The following IARS1 variants were observed in gnomAD, a reference collection of about 807,000 sequenced individuals.
IARS1 encodes isoleucine--tRNA ligase, cytoplasmic.
IARS1 carries 124 observed loss-of-function variants against 168.2 expected under a neutral mutation model. The ratio of observed to expected loss-of-function variants is 0.74; its 90% CI spans 0.64 to 0.86. The LOEUF is 0.86. Ranked by LOEUF, IARS1 falls within the 40% of genes least tolerant of loss-of-function variation. IARS1 has a pLI of 0.00. For synonymous variants in IARS1, 532 were observed against 529.4 expected (o/e 1.00, Z -0.07); for missense variants, 1,452 against 1,515.8 (o/e 0.96, Z 0.70).
At position 92,293,681 on chromosome 9, in the gene IARS1, G is replaced by C. The variant is rs1379455341; in HGVS notation, c.-78C>G. ...TAAAAGCAACTCATCCGGCGTCCAC[G>C]CTGCAACCGGGCGCACGGAGGTGAT... On this transcript the variant is annotated 5_prime_UTR_variant, in exon 1 of 34. Coordinates refer to ENST00000443024, the MANE Select transcript of IARS1 (RefSeq NM_002161.6). The C allele has an allele frequency of 3.7e-6, 1 of 272,260 alleles. No individual in the cohort carries two copies. Among genetic ancestry groups the C allele is most frequent in the Non-Finnish European group, 8.0e-6 (1 of 125,076 alleles). 16.9% of individuals were successfully genotyped at this position (272,260 alleles called of 1,614,324 possible).
intron 33 of IARS1, among the ~76,000 whole-genome samples, chr9:92,221,534 G>A (rs913864691): frequency 6.6e-6 from 1 of 152,232 alleles, no homozygotes; most frequent in African/African-American, 2.4e-5. Flanking sequence ...GAACATGTCT[G>A]ATGTGTAGCA....
intron 30 of IARS1, among the ~76,000 whole-genome samples, chr9:92,231,590 T>C (rs1370951901): frequency 6.9e-6 from 1 of 144,116 alleles, no homozygotes; most frequent in Non-Finnish European, 1.5e-5. Flanking sequence ...ATTTTGTATT[T>C]GTTTTTTTTT....
chr9:92,256,691 GT>G lies in IARS1; in HGVS notation c.2125del (p.Thr709LeufsTer19). On this transcript the variant is annotated frameshift_variant, in exon 20 of 34. Transcript: ENST00000443024. LOFTEE classifies it high-confidence loss of function. ...CAAGAGAGACTCACCTGCCATTTCA[GT>G]CTCAAAGAAGCCAATGAGAGACTGC... ...FMQSLIGFFE[T>X]EMAAYRLYTV... 6.2e-7 allele frequency: 1 copy of G among 1,613,590 alleles called. No individual in the cohort carries two copies. The highest frequency in any genetic ancestry group is 8.5e-7 in the Non-Finnish European group (1 of 1,179,664).
intron 7 of IARS1, 62 bp from the exon 8 acceptor site, chr9:92,278,348 C>G (rs913198350): frequency 3.6e-6 from 4 of 1,110,244 alleles, no homozygotes; most frequent in Admixed American, 1.7e-5. Context: ...ATTCCAAAGA[C>G]ATGCATCAAG....
chr9:92,229,107 TTC>T lies in IARS1; in HGVS notation c.3301_3302del (p.Glu1101LysfsTer5). The T allele has an allele frequency of 1.2e-6, 2 of 1,613,932 alleles. No individual in the cohort carries two copies. The highest frequency in any genetic ancestry group is 1.7e-6 in the Non-Finnish European group (2 of 1,179,964). The part of the protein sequence containing the change: ...GSEQGGVLLL[E>X]NPKGDNRLDL... ...CCAACCTATTGTCACCTTTTGGATTTTCCAGGAGCAATACTCCACCTAAAAAG... is the reference window on the plus strand; with the variant it reads ...CCAACCTATTGTCACCTTTTGGATTTCAGGAGCAATACTCCACCTAAAAAG... On this transcript the variant is annotated frameshift_variant, in exon 31 of 34. Transcript: ENST00000443024. LOFTEE classifies it high-confidence loss of function.
chr9:92,285,967 A>G (rs1835388534), intron 5 of IARS1, 128 bp from the exon 6 acceptor site: 1 of 613,200 alleles, frequency 1.6e-6, no homozygotes, highest in Admixed American at 2.7e-5. Context: ...TTTCATTGGG[A>G]GACTGGCTGG....
chr9:92,259,201 C>T (rs1275793461), intron 18 of IARS1, among the ~76,000 whole-genome samples: 2 of 152,132 alleles, frequency 1.3e-5, no homozygotes, highest in Admixed American at 6.5e-5. Context: ...TTATAAAAGA[C>T]GTATATAATC....
rs1285806088 is a variant in IARS1, at chr9:92,240,603, A to C, written c.3283+253T>G. The C allele has an allele frequency of 5.9e-6, 4 of 677,598 alleles. No individual in the cohort carries two copies. The South Asian group carries it at 6.6e-5, about 11-fold the overall frequency. 42.0% of individuals were successfully genotyped at this position (677,598 alleles called of 1,614,324 possible). A position where few individuals can be genotyped will look rare whatever the true frequency, so the allele number is the denominator to read the frequency against. ...GAGGCAGGATCTTATTATGTTGGCA[A>C]GGTTAGTCTTGAACTCTTGGCCTCA... On this transcript the variant is annotated intron_variant, in intron 30 of 33. Coordinates refer to ENST00000443024, the MANE Select transcript of IARS1 (RefSeq NM_002161.6).
At chr9:92,245,134 GT>G (rs1829000441) in intron 26 of IARS1, 63 bp from the exon 27 acceptor site, 1 of 1,241,848 alleles carries the variant, frequency 8.1e-7, no homozygotes, top group Middle Eastern at 1.9e-4. Context: ...CCCACTACCC[GT>G]GTATTATGCC....
Position 92,222,505 on chromosome 9 carries a change from C to G in IARS1, c.3706+15G>C. The G allele has an allele frequency of 6.2e-7, 1 of 1,607,530 alleles. No homozygotes were observed. The highest frequency in any genetic ancestry group is 1.1e-5 in the South Asian group (1 of 89,810). ...TCAACAAAAATAAAAAACTTACGGT[C>G]CACAATCTCCTTACCCTGCGTTTGG... On this transcript the variant is annotated intron_variant, in intron 33 of 33. Coordinates refer to ENST00000443024, the MANE Select transcript of IARS1 (RefSeq NM_002161.6).
intron 33 of IARS1, among the ~76,000 whole-genome samples, chr9:92,216,282 T>C (rs1322410310): frequency 6.7e-6 from 1 of 149,990 alleles, no homozygotes; most frequent in East Asian, 2.0e-4. Flanking sequence ...GCGCTAAACA[T>C]GGAAAGGAAC....
intron 7 of IARS1, 109 bp from the exon 8 acceptor site, chr9:92,278,395 C>G: frequency 1.3e-6 from 1 of 752,682 alleles, no homozygotes; most frequent in African/African-American, 1.7e-5. Flanking sequence ...TACCATGTGC[C>G]TCTACTGTAC....
At chr9:92,216,338 T>A (rs1471925974) in intron 33 of IARS1, among the ~76,000 whole-genome samples, 1 of 151,112 alleles carries the variant, frequency 6.6e-6, no homozygotes, top group Non-Finnish European at 1.5e-5. Flanking sequence ...GTAAAGACCA[T>A]CGAGACTAGG....
At chr9:92,234,205 C>CT (rs898054080) in intron 30 of IARS1, among the ~76,000 whole-genome samples, 103 of 151,894 alleles carry the variant, frequency 6.8e-4, no homozygotes, top group African/African-American at 2.4e-3. Context: ...AAGTTTTTTT[C>CT]TTTTTTATAA....
At chr9:92,244,009 GAAGTT>G (rs1244862035) in intron 27 of IARS1, among the ~76,000 whole-genome samples, 1 of 152,120 alleles carries the variant, frequency 6.6e-6, no homozygotes, top group Admixed American at 6.6e-5. Context: ...AGTAAACAGA[GAAGTT>G]AAGAAATGAC....
intron 30 of IARS1, 69 bp downstream of exon 30, chr9:92,240,787 T>G: frequency 1.2e-6 from 1 of 863,662 alleles, no homozygotes. Flanking sequence ...ATAAGTTTTT[T>G]TGGTTGTTTT....
At chr9:92,230,459 T>C (rs1006206148) in intron 30 of IARS1, among the ~76,000 whole-genome samples, 1 of 152,202 alleles carries the variant, frequency 6.6e-6, no homozygotes, top group Non-Finnish European at 1.5e-5. Context: ...ACTGTGCTGA[T>C]AGTTGTTCCT....
intron 30 of IARS1, among the ~76,000 whole-genome samples, chr9:92,236,917 T>G (rs1437291083): frequency 6.6e-6 from 1 of 152,250 alleles, no homozygotes; most frequent in African/African-American, 2.4e-5. Flanking sequence ...TCAATAATTC[T>G]TTTTATTCCT....
At chr9:92,273,691 T>C (rs561075390) in intron 10 of IARS1, among the ~76,000 whole-genome samples, 1 of 152,324 alleles carries the variant, frequency 6.6e-6, no homozygotes, top group East Asian at 1.9e-4. Context: ...CCTCTACATC[T>C]ATAAAAGTAA....
Sources: allele counts gnomAD v4.1 joint callset (sites outside exome capture counted in the v4.1 genomes callset), GRCh38; gene constraint gnomAD v4.1.1; transcripts MANE v1.5; gene names NCBI Gene and HGNC (gene_info 2026-07-23, HGNC 2026-07-21).